The following LINGO2 variants were observed in gnomAD, a reference collection of about 807,000 sequenced individuals.
The protein encoded by LINGO2 is leucine rich repeat and Ig domain containing 2, also known as leucine-rich repeat and immunoglobulin-like domain-containing nogo receptor-interacting protein 2.
Under a neutral mutation model 30.6 loss-of-function variants are expected in LINGO2, and 14 were observed. That is an observed-to-expected ratio of 0.46 (90% CI 0.30 to 0.72). The LOEUF (loss-of-function observed/expected upper bound fraction) is 0.72, where lower values mean the gene tolerates loss of function less well. LINGO2 is among the 30% of genes least tolerant of loss of function. The probability of loss-of-function intolerance (pLI) is 0.07; values close to 1 mark genes in which losing one functional copy is unlikely to be tolerated. For synonymous variants in LINGO2, 317 were observed against 288.5 expected (o/e 1.10, Z -1.00); for missense variants, 729 against 751.7 (o/e 0.97, Z 0.35).
At chr9:29,122,809 A>C in the LINGO2 span, among the ~76,000 whole-genome samples, 2 of 152,134 alleles carry the variant, frequency 1.3e-5, no homozygotes, top group African/African-American at 4.8e-5. Flanking sequence ...CGTTCAACAC[A>C]GTACAAATGT....
intron 2 of LINGO2, among the ~76,000 whole-genome samples, chr9:28,442,652 C>T (rs1006503526): frequency 6.6e-6 from 1 of 152,068 alleles, no homozygotes; most frequent in African/African-American, 2.4e-5. Context: ...AACATGGACT[C>T]TCTTTGAAAC....
intron 4 of LINGO2, among the ~76,000 whole-genome samples, chr9:28,153,660 C>T (rs905467282): frequency 2.0e-5 from 3 of 152,064 alleles, no homozygotes; most frequent in Non-Finnish European, 4.4e-5. Flanking sequence ...AATTTTTAAA[C>T]GTTTTCTAAT....
intron 1 of LINGO2, among the ~76,000 whole-genome samples, chr9:28,653,197 T>C (rs1015834552): frequency 2.6e-5 from 4 of 152,186 alleles, no homozygotes; most frequent in Non-Finnish European, 4.4e-5. Context: ...AAATGCTGTA[T>C]TGCCCATGTG....
intron 1 of LINGO2, among the ~76,000 whole-genome samples, chr9:28,625,437 C>A (rs1387905358): frequency 6.6e-6 from 1 of 152,062 alleles, no homozygotes; most frequent in Non-Finnish European, 1.5e-5. Context: ...TGGCATTAAA[C>A]CAGTTACTAT....
At position 28,001,064 on chromosome 9, in the gene LINGO2, C is replaced by G. The variant is rs556884154; in HGVS notation, c.-36+11291G>C. ...TTTCTAGACATCATCTGTTTGGGATCTATAATCACCATCAATGTGTTTTCA... is the reference window on the plus strand; with the variant it reads ...TTTCTAGACATCATCTGTTTGGGATGTATAATCACCATCAATGTGTTTTCA... On this transcript the variant is annotated intron_variant, in intron 5 of 5. Coordinates refer to ENST00000379992, the Ensembl canonical transcript of LINGO2. Among the ~76,000 whole-genome samples, 15 of 152,312 alleles carry G rather than the reference C, an allele frequency of 9.8e-5. No individual in the cohort carries two copies. The South Asian group carries it at 3.1e-3, about 32-fold the overall frequency.
chr9:28,549,767 T>C (rs532155090), intron 1 of LINGO2, among the ~76,000 whole-genome samples: 1 of 152,042 alleles, frequency 6.6e-6, no homozygotes, highest in African/African-American at 2.4e-5. Context: ...TTTTTACATA[T>C]AACAGATAAA....
At chr9:29,062,958 G>T in the LINGO2 span, among the ~76,000 whole-genome samples, 2 of 151,966 alleles carry the variant, frequency 1.3e-5, no homozygotes, top group East Asian at 1.9e-4. Context: ...ACCAGATTAC[G>T]TTCTAGACTT....
chr9:29,083,572 AAATAT>A, the LINGO2 span, among the ~76,000 whole-genome samples: 2 of 151,826 alleles, frequency 1.3e-5, no homozygotes, highest in African/African-American at 2.4e-5. Flanking sequence ...CCTAGAACTT[AAATAT>A]AATAATAATA....
At chr9:28,221,241 A>G (rs1338488828) in intron 4 of LINGO2, among the ~76,000 whole-genome samples, 2 of 136,666 alleles carry the variant, frequency 1.5e-5, no homozygotes, top group Admixed American at 8.2e-5. Context: ...CGGAGCTTGC[A>G]GTGAGCGGAG....
At chr9:28,606,184 A>T (rs1439848237) in intron 1 of LINGO2, among the ~76,000 whole-genome samples, 1 of 152,016 alleles carries the variant, frequency 6.6e-6, no homozygotes, top group Non-Finnish European at 1.5e-5. Context: ...TGACAACATA[A>T]ATAGGGACCA....
chr9:29,037,892 C>A, the LINGO2 span, among the ~76,000 whole-genome samples: 1 of 151,932 alleles, frequency 6.6e-6, no homozygotes, highest in Non-Finnish European at 1.5e-5. Context: ...ATGGAAAGTA[C>A]TATGCAAATA....
the LINGO2 span, among the ~76,000 whole-genome samples, chr9:29,189,375 CG>C: frequency 2.0e-5 from 3 of 148,100 alleles, no homozygotes; most frequent in African/African-American, 7.6e-5. Flanking sequence ...ACTTCTCAGA[CG>C]GGGCGGTTGC....
the LINGO2 span, among the ~76,000 whole-genome samples, chr9:28,708,150 C>A: frequency 6.6e-6 from 1 of 151,928 alleles, no homozygotes; most frequent in Non-Finnish European, 1.5e-5. Flanking sequence ...ATAAGAATAA[C>A]CAAATTCCAT....
At chr9:28,942,117 T>C in the LINGO2 span, among the ~76,000 whole-genome samples, 1 of 152,082 alleles carries the variant, frequency 6.6e-6, no homozygotes, top group Admixed American at 6.6e-5. Context: ...CATGTCTTTG[T>C]ATTGTAAAGT....
chr9:28,582,083 C>T (rs1377987489), intron 1 of LINGO2, among the ~76,000 whole-genome samples: 1 of 151,898 alleles, frequency 6.6e-6, no homozygotes, highest in African/African-American at 2.4e-5. Flanking sequence ...CATCAGGCTA[C>T]CTTAAATATC....
At chr9:28,937,609 G>A in the LINGO2 span, among the ~76,000 whole-genome samples, 1 of 152,002 alleles carries the variant, frequency 6.6e-6, no homozygotes, top group Non-Finnish European at 1.5e-5. Context: ...CTCAGCCATG[G>A]GTGGCAGTTT....
At chr9:28,883,418 T>G in the LINGO2 span, among the ~76,000 whole-genome samples, 1 of 151,602 alleles carries the variant, frequency 6.6e-6, no homozygotes, top group African/African-American at 2.4e-5. Context: ...GCCTAGAACA[T>G]TCTCATCTTT....
the LINGO2 span, among the ~76,000 whole-genome samples, chr9:28,872,289 G>C: frequency 6.6e-6 from 1 of 151,820 alleles, no homozygotes; most frequent in Non-Finnish European, 1.5e-5. Context: ...TATAGAAAAT[G>C]GACATTTACA....
intron 4 of LINGO2, among the ~76,000 whole-genome samples, chr9:28,042,182 T>G (rs1311508648): frequency 6.6e-6 from 1 of 152,216 alleles, no homozygotes; most frequent in African/African-American, 2.4e-5. Context: ...ATTTACTTCC[T>G]TTTCTTCCAT....
Sources: allele counts gnomAD v4.1 joint callset (sites outside exome capture counted in the v4.1 genomes callset), GRCh38; gene constraint gnomAD v4.1.1; transcripts MANE v1.5; gene names NCBI Gene and HGNC (gene_info 2026-07-23, HGNC 2026-07-21).